UBE2E2: variants seen among roughly 807,000 people sequenced by gnomAD.
The protein encoded by UBE2E2 is ubiquitin-conjugating enzyme E2 E2.
A neutral mutation model predicts 24.7 loss-of-function variants in UBE2E2; 6 were observed. The ratio of observed to expected loss-of-function variants is 0.24; its 90% CI spans 0.13 to 0.48. UBE2E2 has a LOEUF of 0.48. UBE2E2 is among the 20% of genes least tolerant of loss of function. UBE2E2 has a pLI of 0.99. For missense variants in UBE2E2, 169 were observed against 245.0 expected (o/e 0.69, Z 2.07); for synonymous variants, 104 against 83.6 (o/e 1.24, Z -1.33).
intron 3 of UBE2E2, among the ~76,000 whole-genome samples, chr3:23,452,157 A>T (rs1020843884): frequency 2.0e-5 from 3 of 152,178 alleles, no homozygotes; most frequent in Non-Finnish European, 4.4e-5. Context: ...TGCAGCTGGA[A>T]TATGTTAGTT....
At chr3:23,300,070 G>T (rs1330963071) in intron 3 of UBE2E2, among the ~76,000 whole-genome samples, 1 of 152,056 alleles carries the variant, frequency 6.6e-6, no homozygotes, top group Non-Finnish European at 1.5e-5. Flanking sequence ...ATCTTTGCTG[G>T]TTTAAAGTCT....
chr3:23,507,425 C>G (rs750541344), intron 4 of UBE2E2, among the ~76,000 whole-genome samples: 2 of 152,190 alleles, frequency 1.3e-5, no homozygotes, highest in Non-Finnish European at 2.9e-5. Context: ...ATTTTGATGT[C>G]ACTCCTTTAA....
chr3:23,285,413 A>AT (rs1470188842), intron 3 of UBE2E2, among the ~76,000 whole-genome samples: 1 of 152,198 alleles, frequency 6.6e-6, no homozygotes, highest in African/African-American at 2.4e-5. Flanking sequence ...GCTGGATCAT[A>AT]TGGTAGCCCA....
chr3:23,263,537 T>C (rs1697958571), intron 3 of UBE2E2, among the ~76,000 whole-genome samples: 1 of 152,242 alleles, frequency 6.6e-6, no homozygotes, highest in Non-Finnish European at 1.5e-5. Flanking sequence ...AATAGCATCA[T>C]GTCACCTTAG....
At chr3:23,208,584 C>A in intron 1 of UBE2E2, 108 bp from the exon 2 acceptor site, 1 of 841,548 alleles carries the variant, frequency 1.2e-6, no homozygotes, top group East Asian at 3.1e-5. Flanking sequence ...CAATTTAATC[C>A]ATTTTATATT....
chr3:23,365,587 T>G (rs1005409494), intron 3 of UBE2E2, among the ~76,000 whole-genome samples: 6 of 151,952 alleles, frequency 3.9e-5, no homozygotes, highest in Admixed American at 3.9e-4. Context: ...TAAATGAGAA[T>G]TACAAAACAC....
intron 3 of UBE2E2, among the ~76,000 whole-genome samples, chr3:23,377,001 T>C (rs1374727777): frequency 1.3e-5 from 2 of 152,208 alleles, no homozygotes; most frequent in African/African-American, 4.8e-5. Context: ...TGTAAGTGTT[T>C]GGAATCATTT....
intron 3 of UBE2E2, among the ~76,000 whole-genome samples, chr3:23,423,723 T>A (rs1697857135): frequency 6.6e-6 from 1 of 152,222 alleles, no homozygotes. Flanking sequence ...AGCAATTACA[T>A]TTTTTCAAAA....
intron 3 of UBE2E2, among the ~76,000 whole-genome samples, chr3:23,451,233 A>G (rs1698555485): frequency 6.6e-6 from 1 of 152,166 alleles, no homozygotes; most frequent in Admixed American, 6.5e-5. Flanking sequence ...GCAAATAAAT[A>G]ATTTTTTTTG....
intron 3 of UBE2E2, among the ~76,000 whole-genome samples, chr3:23,301,402 T>C (rs1330185249): frequency 6.6e-6 from 1 of 152,176 alleles, no homozygotes; most frequent in Non-Finnish European, 1.5e-5. Context: ...TATTTTCCCA[T>C]GTTTGTGGTT....
At chr3:23,331,245 T>C (rs1452670409) in intron 3 of UBE2E2, among the ~76,000 whole-genome samples, 2 of 152,178 alleles carry the variant, frequency 1.3e-5, no homozygotes, top group Non-Finnish European at 2.9e-5. Context: ...CTTGATTCAA[T>C]AAGTCAGTCT....
chr3:23,573,183 C>CA (rs1696264427), intron 5 of UBE2E2, among the ~76,000 whole-genome samples: 1 of 152,090 alleles, frequency 6.6e-6, no homozygotes, highest in Non-Finnish European at 1.5e-5. Context: ...AGTACAGAAT[C>CA]AGGTCCAGAT....
At chr3:23,417,391 C>T (rs1697666591) in intron 3 of UBE2E2, among the ~76,000 whole-genome samples, 1 of 152,244 alleles carries the variant, frequency 6.6e-6, no homozygotes, top group African/African-American at 2.4e-5. Context: ...TGCAGAACAG[C>T]AAAGATTGCT....
intron 3 of UBE2E2, among the ~76,000 whole-genome samples, chr3:23,350,312 C>G (rs1449144040): frequency 6.6e-6 from 1 of 151,922 alleles, no homozygotes; most frequent in African/African-American, 2.4e-5. Flanking sequence ...AACTGGAAAC[C>G]CTAAAAAGCA....
chr3:23,511,697 A>T (rs1694597497), intron 4 of UBE2E2, among the ~76,000 whole-genome samples: 1 of 152,124 alleles, frequency 6.6e-6, no homozygotes, highest in Non-Finnish European at 1.5e-5. Context: ...AACAAAGCTG[A>T]TATTTTCTCT....
At chr3:23,263,306 A>T (rs916970536) in intron 3 of UBE2E2, among the ~76,000 whole-genome samples, 1 of 152,196 alleles carries the variant, frequency 6.6e-6, no homozygotes, top group South Asian at 2.1e-4. Flanking sequence ...TGTGAGAGCC[A>T]TTTGTGAAGA....
At chr3:23,557,669 A>G (rs537726137) in intron 5 of UBE2E2, among the ~76,000 whole-genome samples, 3 of 152,316 alleles carry the variant, frequency 2.0e-5, no homozygotes, top group South Asian at 2.1e-4. Context: ...GTCAACCAAC[A>G]TTGAACAAAA....
chr3:23,355,493 G>A lies in UBE2E2; in HGVS notation c.227+138181G>A, dbSNP rs183474458. Among the ~76,000 whole-genome samples, 9 of 152,298 alleles carry A rather than the reference G, an allele frequency of 5.9e-5. No individual in the cohort carries two copies. The East Asian group carries it at 1.7e-3, about 29-fold the overall frequency. ...AATTTTTATGGATTAAACAGCCAAA[G>A]CAAAGTGTTTTAAATCAGAAGATAC... On this transcript the variant is annotated intron_variant, in intron 3 of 5. Coordinates refer to ENST00000396703, the MANE Select transcript of UBE2E2 (RefSeq NM_152653.4).
intron 3 of UBE2E2, among the ~76,000 whole-genome samples, chr3:23,251,442 C>T (rs182774355): frequency 6.0e-4 from 92 of 152,264 alleles, no homozygotes; most frequent in African/African-American, 2.0e-3. Context: ...CATTTACATT[C>T]GAATCATCAT....
Sources: allele counts gnomAD v4.1 joint callset (sites outside exome capture counted in the v4.1 genomes callset), GRCh38; gene constraint gnomAD v4.1.1; transcripts MANE v1.5; gene names NCBI Gene and HGNC (gene_info 2026-07-23, HGNC 2026-07-21).